The following PTPRK variants were observed in gnomAD, a reference collection of about 807,000 sequenced individuals.
PTPRK encodes protein tyrosine phosphatase receptor type K.
Under a neutral mutation model 178.0 loss-of-function variants are expected in PTPRK, and 75 were observed. That is an observed-to-expected ratio of 0.42 (90% CI 0.35 to 0.51). PTPRK has a LOEUF of 0.51. PTPRK is among the 20% of genes least tolerant of loss of function. The pLI is 0.02. For missense variants in PTPRK, 1,441 were observed against 1,797.8 expected (o/e 0.80, Z 3.59); for synonymous variants, 637 against 620.6 (o/e 1.03, Z -0.39).
In PTPRK at chr6:128,357,941, G is replaced by A. The variant is rs545472468; in HGVS notation, c.224-35631C>T. Among the ~76,000 whole-genome samples the A allele has an allele frequency of 7.3e-4, 111 of 152,198 alleles. 1 individual carries two copies. The highest frequency in any genetic ancestry group is 2.5e-3 in the African/African-American group (102 of 41,526). ...CAGACATTACATCATTCAGTCACCC[G>A]TTTTGCCATCTCTACTCACACAGCA... On this transcript the variant is annotated intron_variant, in intron 2 of 29. Transcript: ENST00000368226.
At chr6:128,297,307 A>G (rs1445625389) in intron 3 of PTPRK, among the ~76,000 whole-genome samples, 1 of 152,156 alleles carries the variant, frequency 6.6e-6, no homozygotes, top group South Asian at 2.1e-4. Flanking sequence ...TCAACATTAG[A>G]CAGATCAATG....
At chr6:128,187,647 A>C (rs1184602843) in intron 6 of PTPRK, among the ~76,000 whole-genome samples, 1 of 152,170 alleles carries the variant, frequency 6.6e-6, no homozygotes, top group East Asian at 1.9e-4. Context: ...GTAATCAGTC[A>C]AGACTTGGTC....
intron 2 of PTPRK, among the ~76,000 whole-genome samples, chr6:128,387,942 T>G (rs543774611): frequency 1.3e-5 from 2 of 151,078 alleles, no homozygotes; most frequent in South Asian, 4.2e-4. Flanking sequence ...CGACAGCTGA[T>G]GAGCTTACAA....
intron 1 of PTPRK, among the ~76,000 whole-genome samples, chr6:128,467,264 AGGAGCCATTGGACT>A (rs1018049331): frequency 1.3e-5 from 2 of 152,200 alleles, no homozygotes; most frequent in African/African-American, 4.8e-5. Context: ...AATTATAAGC[AGGAGCCATTGGACT>A]GGCCTAGTGC....
chr6:128,387,084 A>C (rs913185515), intron 2 of PTPRK, among the ~76,000 whole-genome samples: 1 of 152,214 alleles, frequency 6.6e-6, no homozygotes, highest in African/African-American at 2.4e-5. Context: ...TAAATAAATA[A>C]ATCAGACAAA....
intron 3 of PTPRK, among the ~76,000 whole-genome samples, chr6:128,297,321 C>T (rs573358708): frequency 1.8e-4 from 28 of 152,204 alleles, no homozygotes; most frequent in East Asian, 3.9e-4. Flanking sequence ...ATCAATGAGA[C>T]GGAAAGTTAA....
intron 3 of PTPRK, among the ~76,000 whole-genome samples, chr6:128,270,673 T>G (rs1339199): frequency 0.99 from 150,041 of 152,268 alleles, 73,937 homozygotes; most frequent in Middle Eastern, 1. Context: ...CGTCTTTAGA[T>G]AATGTACAAT....
chr6:128,386,574 AAAG>A lies in PTPRK; in HGVS notation c.223+10989_223+10991del, dbSNP rs550658493. ...TTTGAGTTGGTTCCTAAGCTTCTGAAAAGAAGAAGAAACCAAGTTTTGTTTTTT... is the reference window on the plus strand; with the variant it reads ...TTTGAGTTGGTTCCTAAGCTTCTGAAAAGAAGAAACCAAGTTTTGTTTTTT... On this transcript the variant is annotated intron_variant, in intron 2 of 29. Coordinates refer to ENST00000368226, the MANE Select transcript of PTPRK (RefSeq NM_002844.4). Among the ~76,000 whole-genome samples the A allele has an allele frequency of 1.8e-4, 27 of 152,314 alleles. No individual in the cohort carries two copies. In the East Asian group the frequency reaches 4.6e-3, roughly 26 times the overall value.
intron 15 of PTPRK, among the ~76,000 whole-genome samples, chr6:128,004,457 T>A (rs1027031546): frequency 2.6e-5 from 4 of 151,792 alleles, no homozygotes; most frequent in African/African-American, 9.7e-5. Context: ...AGCCTTGCCT[T>A]CATAGACCAA....
chr6:128,131,267 C>T (rs6935188), intron 7 of PTPRK, among the ~76,000 whole-genome samples: 1 of 152,102 alleles, frequency 6.6e-6, no homozygotes, highest in African/African-American at 2.4e-5. Context: ...AAATCTTCCA[C>T]ATACAAGCTG....
At chr6:128,174,368 C>T (rs372098490) in intron 7 of PTPRK, among the ~76,000 whole-genome samples, 4 of 151,936 alleles carry the variant, frequency 2.6e-5, no homozygotes, top group Admixed American at 6.6e-5. Context: ...AGTGCTCTAA[C>T]GTTGCCACTA....
At chr6:127,971,172 C>T (rs964884613) in intron 29 of PTPRK, among the ~76,000 whole-genome samples, 9 of 152,140 alleles carry the variant, frequency 5.9e-5, no homozygotes, top group Admixed American at 2.6e-4. Flanking sequence ...TGAGTTAAAA[C>T]TGCCTTTCCT....
At chr6:128,194,066 ATTATTATTAT>A (rs1256181384) in intron 6 of PTPRK, among the ~76,000 whole-genome samples, 29 of 79,370 alleles carry the variant, frequency 3.7e-4, no homozygotes, top group African/African-American at 1.6e-3. Flanking sequence ...TTATATATAT[ATTATTATTAT>A]TATTATTATT....
intron 15 of PTPRK, among the ~76,000 whole-genome samples, chr6:128,003,958 G>C (rs1778139416): frequency 6.6e-6 from 1 of 151,716 alleles, no homozygotes. Flanking sequence ...CATAGAAAAT[G>C]ATGGGCTTCA....
chr6:128,184,871 C>A, intron 6 of PTPRK, 146 bp from the exon 7 acceptor site: 1 of 840,846 alleles, frequency 1.2e-6, no homozygotes, highest in Non-Finnish European at 1.8e-6. Flanking sequence ...GACGCATGAT[C>A]TGACAACTGT....
At chr6:128,112,420 T>A (rs962790259) in intron 7 of PTPRK, among the ~76,000 whole-genome samples, 20 of 152,226 alleles carry the variant, frequency 1.3e-4, no homozygotes, top group African/African-American at 4.6e-4. Flanking sequence ...TCATCAGTAC[T>A]TTTTATGTTA....
chr6:128,354,623 A>G (rs1833720350), intron 2 of PTPRK, among the ~76,000 whole-genome samples: 1 of 152,186 alleles, frequency 6.6e-6, no homozygotes, highest in Non-Finnish European at 1.5e-5. Context: ...ATAAGCATCT[A>G]TATAACTGGC....
chr6:128,496,782 A>C (rs979689127), intron 1 of PTPRK, among the ~76,000 whole-genome samples: 2 of 152,240 alleles, frequency 1.3e-5, no homozygotes, highest in African/African-American at 4.8e-5. Flanking sequence ...TACACAAGGT[A>C]TAATAAACTA....
In PTPRK at chr6:127,976,941, G is replaced by A. The variant is rs774505136; in HGVS notation, c.3825C>T (p.Asn1275=). The change falls in exon 26 of 30, where the codon AAC becomes AAT. Residue 1275 remains asparagine, a synonymous_variant. Transcript: ENST00000368226. ...DYGCTSIVML[N]EVDLSQGCPQ... is the part of the protein sequence containing the mutation. ...CATTAACCTGGGACAAGTCGACTTC[G>A]TTTAACATCACAATGGAGGTACAGC... is the stretch of plus-strand genomic sequence containing the variant. The A allele has an allele frequency of 3.7e-6, 6 of 1,614,024 alleles. No individual in the cohort carries two copies. The highest frequency in any genetic ancestry group is 1.6e-4 in the Middle Eastern group (1 of 6,062).
Sources: gnomAD v4.1 joint callset for allele counts (sites outside exome capture counted in the v4.1 genomes callset) on GRCh38, gnomAD v4.1.1 for gene constraint, MANE v1.5 for transcripts, NCBI Gene and HGNC (gene_info 2026-07-23, HGNC 2026-07-21) for gene names.